The following RBM17 variants were observed in gnomAD, a reference collection of about 807,000 sequenced individuals.
RBM17 encodes the protein splicing factor 45.
RBM17 carries 7 observed loss-of-function variants against 53.2 expected under a neutral mutation model. That is an observed-to-expected ratio of 0.13 (90% CI 0.07 to 0.25). The LOEUF (loss-of-function observed/expected upper bound fraction) is 0.25. Among genes scored for constraint, RBM17 ranks in the 10% least tolerant of loss-of-function variants. The probability of loss-of-function intolerance (pLI) is 1.00; values close to 1 mark genes in which losing one functional copy is unlikely to be tolerated. For synonymous variants in RBM17, 167 were observed against 178.1 expected, an observed-to-expected ratio of 0.94 and a Z score of 0.50; for missense variants, 257 against 496.7, an observed-to-expected ratio of 0.52 and a Z score of 4.59.
chr10:6,115,622 G>A lies in RBM17; in HGVS notation c.*66G>A. On this transcript the variant is annotated 3_prime_UTR_variant, in exon 12 of 12. Transcript: ENST00000379888. ...AATGAACTGCAGGCTGAGAAAAGAA[G>A]GAAAAAGGTCACAGCCTCCATGGCT... 2 of 1,037,318 alleles carry A rather than the reference G, an allele frequency of 1.9e-6. No individual in the cohort carries two copies. The highest frequency in any genetic ancestry group is 3.0e-6 in the Non-Finnish European group (2 of 663,998). The allele number at this position is 1,037,318 out of a possible 1,614,324, so 64.3% of individuals were successfully genotyped here. A position where few individuals can be genotyped will look rare whatever the true frequency, so the allele number is the denominator to read the frequency against.
chr10:6,091,633 C>T (rs964602194), intron 1 of RBM17, among the ~76,000 whole-genome samples: 1 of 152,168 alleles, frequency 6.6e-6, no homozygotes, highest in African/African-American at 2.4e-5. Context: ...AATAGGTGCA[C>T]TAACATTTTT....
At chr10:6,113,321 A>G in intron 8 of RBM17, 187 bp from the exon 9 acceptor site, 1 of 491,038 alleles carries the variant, frequency 2.0e-6, no homozygotes, top group Non-Finnish European at 3.6e-6. Flanking sequence ...AAAGCAAAGC[A>G]GAGGCTTTTA....
chr10:6,117,436 T>C lies in RBM17; in HGVS notation c.*1880T>C, dbSNP rs1042621881. On this transcript the variant is annotated 3_prime_UTR_variant, in exon 12 of 12. Coordinates refer to ENST00000379888, the MANE Select transcript of RBM17 (RefSeq NM_032905.5). Reference sequence around the variant, plus strand: ...AAATTTCAATAAAAATTAAAAATTATGTAAGCTACAATGTAACTGGCAAGT... The same window carrying C: ...AAATTTCAATAAAAATTAAAAATTACGTAAGCTACAATGTAACTGGCAAGT... The C allele has an allele frequency of 1.3e-5, 2 of 152,062 alleles. No homozygotes were observed. Among genetic ancestry groups the C allele is most frequent in the African/African-American group, 4.8e-5 (2 of 41,422 alleles). The allele number at this position is 152,062 out of a possible 1,614,324, so 9.4% of individuals were successfully genotyped here.
intron 2 of RBM17, among the ~76,000 whole-genome samples, chr10:6,100,919 A>T (rs979312565): frequency 2.0e-5 from 3 of 152,246 alleles, no homozygotes; most frequent in African/African-American, 7.2e-5. Flanking sequence ...TTGAATGTAT[A>T]GAAATGATTT....
intron 2 of RBM17, among the ~76,000 whole-genome samples, chr10:6,099,181 G>A (rs1376457692): frequency 2.0e-5 from 3 of 151,750 alleles, no homozygotes; most frequent in Non-Finnish European, 4.4e-5. Context: ...CACCGTGCCC[G>A]GCCTCATATA....
At chr10:6,091,402 G>T (rs10905743) in intron 1 of RBM17, among the ~76,000 whole-genome samples, 21,750 of 152,074 alleles carry the variant, frequency 0.14, 1,952 homozygotes, top group East Asian at 0.29. Flanking sequence ...TTTGTTTTAT[G>T]ATGCATGAAT....
chr10:6,107,330 A>G (rs1840766027), intron 5 of RBM17, among the ~76,000 whole-genome samples: 1 of 151,796 alleles, frequency 6.6e-6, no homozygotes, highest in African/African-American at 2.4e-5. Flanking sequence ...GGTGTGCGCT[A>G]CCACGCCCAT....
At chr10:6,091,106 C>G (rs1296374559) in intron 1 of RBM17, among the ~76,000 whole-genome samples, 4 of 150,582 alleles carry the variant, frequency 2.7e-5, no homozygotes, top group African/African-American at 9.8e-5. Context: ...ATAGTCCAGG[C>G]TGGAGTGCAG....
intron 3 of RBM17, 107 bp from the exon 4 acceptor site, chr10:6,104,824 A>G: frequency 1.1e-6 from 1 of 875,126 alleles, no homozygotes; most frequent in African/African-American, 1.7e-5. Context: ...GGAAGGGGCT[A>G]GATGATGTTC....
intron 3 of RBM17, among the ~76,000 whole-genome samples, chr10:6,103,786 C>T (rs1006708661): frequency 2.0e-5 from 3 of 152,104 alleles, no homozygotes; most frequent in Non-Finnish European, 2.9e-5. Flanking sequence ...AGGAACTGTT[C>T]GATTTAGGTC....
At chr10:6,104,752 G>A (rs974972427) in intron 3 of RBM17, among the ~76,000 whole-genome samples, 179 bp from the exon 4 acceptor site, 3 of 152,194 alleles carry the variant, frequency 2.0e-5, no homozygotes, top group African/African-American at 7.2e-5. Context: ...TCCTGTTTCT[G>A]CTACCACCTG....
chr10:6,117,237 G>C lies in RBM17; in HGVS notation c.*1681G>C, dbSNP rs184142453. ...TTTCCGTTCGCATGAGGACAGCTTG[G>C]TGTGTGCCTTTCTCCCCAGTCTTTT... On this transcript the variant is annotated 3_prime_UTR_variant, in exon 12 of 12. Coordinates refer to ENST00000379888, the MANE Select transcript of RBM17 (RefSeq NM_032905.5). 9 of 152,406 alleles carry C rather than the reference G, an allele frequency of 5.9e-5. No individual in the cohort carries two copies. The highest frequency in any genetic ancestry group is 1.2e-4 in the Non-Finnish European group (8 of 68,032). 9.4% of individuals were successfully genotyped at this position (152,406 alleles called of 1,614,324 possible).
At chr10:6,091,009 ATATTTATATATTTATATATATT>A (rs1195241100) in intron 1 of RBM17, among the ~76,000 whole-genome samples, 1 of 89,778 alleles carries the variant, frequency 1.1e-5, no homozygotes, top group East Asian at 3.5e-4. Flanking sequence ...AAATATATAA[ATATTTATATATTTATATATATT>A]TATATATTTT....
chr10:6,101,304 C>T lies in RBM17; in HGVS notation c.157C>T (p.Pro53Ser). The T allele has an allele frequency of 6.2e-7, 1 of 1,612,968 alleles. No individual in the cohort carries two copies. Among genetic ancestry groups the T allele is most frequent in the Non-Finnish European group, 8.5e-7 (1 of 1,179,724 alleles). Residue 53 changes from proline to serine, a missense_variant, in exon 3 of 12, where the codon CCA becomes TCA. Physicochemically the swap from Pro to Ser is moderately conservative, Grantham distance 74. Transcript: ENST00000379888. Reference protein sequence around the residue: ...QRTKQSTVLAPVIDLKRGGSS... With the variant: ...QRTKQSTVLASVIDLKRGGSS... ...GACGAAACAAAGTACAGTCCTCGCC[C>T]CAGTCATTGACCTGAAGCGAGGTGG...
chr10:6,091,029 A>ATTTATCTATT (rs1840475899), intron 1 of RBM17, among the ~76,000 whole-genome samples: 1 of 141,726 alleles, frequency 7.1e-6, no homozygotes, highest in East Asian at 2.0e-4. Context: ...ATTTATATAT[A>ATTTATCTATT]TTTATATATT....
intron 3 of RBM17, among the ~76,000 whole-genome samples, chr10:6,101,848 A>G (rs985121900): frequency 2.0e-5 from 3 of 152,188 alleles, no homozygotes; most frequent in South Asian, 2.1e-4. Flanking sequence ...ATTTTTTGCT[A>G]TCATAAACAG....
intron 2 of RBM17, among the ~76,000 whole-genome samples, chr10:6,098,556 G>GGTTTTTTTTTTTT (rs1840613398): frequency 2.3e-5 from 2 of 87,972 alleles, no homozygotes; most frequent in Non-Finnish European, 4.5e-5. Context: ...TAATACACAG[G>GGTTTTTTTTTTTT]TTTTTTGTTT....
chr10:6,105,134 T>G, intron 4 of RBM17, 37 bp downstream of exon 4: 1 of 1,592,134 alleles, frequency 6.3e-7, no homozygotes, highest in Non-Finnish European at 8.6e-7. Context: ...ATTTTACAGT[T>G]GAAATGTTCA....
intron 7 of RBM17, among the ~76,000 whole-genome samples, chr10:6,111,131 A>G (rs1328864559): frequency 6.6e-6 from 1 of 152,214 alleles, no homozygotes; most frequent in African/African-American, 2.4e-5. Context: ...TGTTAAGGGA[A>G]TTAAATACAA....
Sources: allele counts gnomAD v4.1 joint callset (sites outside exome capture counted in the v4.1 genomes callset), GRCh38; gene constraint gnomAD v4.1.1; transcripts MANE v1.5; gene names NCBI Gene and HGNC (gene_info 2026-07-23, HGNC 2026-07-21).